Variants in PLEKHA6 observed in about 807,000 individuals in gnomAD.
PLEKHA6 encodes the protein pleckstrin homology domain containing A6.
PLEKHA6 carries 60 observed loss-of-function variants against 116.7 expected under a neutral mutation model. The ratio of observed to expected loss-of-function variants is 0.51; its 90% CI spans 0.42 to 0.64. The LOEUF is 0.64. PLEKHA6 is among the 30% of genes least tolerant of loss of function. The pLI, the probability that PLEKHA6 is intolerant of heterozygous loss-of-function variation, is 0.00. For synonymous variants in PLEKHA6, 489 were observed against 556.1 expected (o/e 0.88, Z 1.70); for missense variants, 1,338 against 1,422.7 (o/e 0.94, Z 0.96).
chr1:204,321,477 A>C (rs1672059949), intron 1 of PLEKHA6, among the ~76,000 whole-genome samples: 2 of 145,290 alleles, frequency 1.4e-5, no homozygotes, highest in South Asian at 2.2e-4. Flanking sequence ...CCAGCCTCTG[A>C]CTCTGCTGAT....
chr1:204,377,660 G>A (rs532451394), exon 1 of PLEKHA6: 1 of 152,412 alleles, frequency 6.6e-6, no homozygotes, highest in African/African-American at 2.4e-5. Context: ...CAATCTCATC[G>A]GCCATCTCGG....
chr1:204,246,197 C>T (rs10900565), intron 13 of PLEKHA6, among the ~76,000 whole-genome samples: 104,809 of 152,012 alleles, frequency 0.69, 36,401 homozygotes, highest in East Asian at 0.82. Flanking sequence ...GGTAAGACCT[C>T]CCATTTATTT....
chr1:204,230,687 G>A lies in PLEKHA6; in HGVS notation c.2410-101C>T, dbSNP rs1372352052. ...TTTACCTTCTACGGGAAGTCTGCCTGTAGTGGACTGAAGAGTGGTCCCCAA... is the reference window on the plus strand; with the variant it reads ...TTTACCTTCTACGGGAAGTCTGCCTATAGTGGACTGAAGAGTGGTCCCCAA... On this transcript the variant is annotated intron_variant, in intron 17 of 22. Transcript: ENST00000272203. 4.0e-6 allele frequency: 4 copies of A among 1,009,150 alleles called. No individual in the cohort carries two copies. The East Asian group carries it at 1.1e-4, about 28-fold the overall frequency. 62.5% of individuals were successfully genotyped at this position (1,009,150 alleles called of 1,614,324 possible). A position where few individuals can be genotyped will look rare whatever the true frequency, so the allele number is the denominator to read the frequency against.
intron 1 of PLEKHA6, among the ~76,000 whole-genome samples, chr1:204,295,276 G>GGT (rs1191450836): frequency 2.8e-4 from 42 of 152,260 alleles, no homozygotes; most frequent in African/African-American, 9.9e-4. Flanking sequence ...GATTTCCTGA[G>GGT]GTCTGGAGTT....
chr1:204,281,280 C>T (rs970618850), intron 1 of PLEKHA6, among the ~76,000 whole-genome samples: 4 of 152,126 alleles, frequency 2.6e-5, no homozygotes, highest in Admixed American at 2.6e-4. Context: ...CACCCCAGCA[C>T]TTTGGGAGGC....
At chr1:204,244,778 A>G in intron 15 of PLEKHA6, 86 bp downstream of exon 15, 1 of 1,053,460 alleles carries the variant, frequency 9.5e-7, no homozygotes, top group Non-Finnish European at 1.3e-6. Flanking sequence ...TGGGGAAGAG[A>G]TGGGCACAGA....
chr1:204,341,453 T>C (rs1400944993), intron 1 of PLEKHA6, among the ~76,000 whole-genome samples: 3 of 152,194 alleles, frequency 2.0e-5, no homozygotes, highest in African/African-American at 7.2e-5. Flanking sequence ...TCTGGTGCAG[T>C]AATACCTTGC....
chr1:204,297,042 C>T (rs1670352920), intron 1 of PLEKHA6: 6 of 893,570 alleles, frequency 6.7e-6, no homozygotes, highest in Non-Finnish European at 6.7e-6. Context: ...CGTACCCATC[C>T]CTGCAGATTT....
At chr1:204,362,381 C>T (rs1673578540), upstream of PLEKHA6, among the ~76,000 whole-genome samples, 1 of 152,128 alleles carries the variant, frequency 6.6e-6, no homozygotes, top group Non-Finnish European at 1.5e-5. Flanking sequence ...AATCACTGGT[C>T]CCCATTGCTC....
chr1:204,374,902 T>C (rs894684341), intron 1 of PLEKHA6, among the ~76,000 whole-genome samples: 6 of 152,172 alleles, frequency 3.9e-5, no homozygotes, highest in Non-Finnish European at 7.4e-5. Flanking sequence ...ACCACTTTCC[T>C]AGACGTCATT....
intron 1 of PLEKHA6, among the ~76,000 whole-genome samples, chr1:204,331,994 C>A (rs996917261): frequency 1.3e-5 from 2 of 152,112 alleles, no homozygotes; most frequent in African/African-American, 4.8e-5. Flanking sequence ...ACACCTCATG[C>A]CCAAACGCTT....
intron 1 of PLEKHA6, among the ~76,000 whole-genome samples, chr1:204,322,526 A>C (rs1279545282): frequency 6.6e-6 from 1 of 152,204 alleles, no homozygotes; most frequent in Non-Finnish European, 1.5e-5. Context: ...TGCCACCTTC[A>C]AAGTGCCATT....
intron 15 of PLEKHA6, among the ~76,000 whole-genome samples, chr1:204,243,762 C>T (rs1039284669): frequency 1.3e-5 from 2 of 152,064 alleles, no homozygotes; most frequent in Non-Finnish European, 2.9e-5. Flanking sequence ...ATGCTGGGCT[C>T]CCTGAGTGAA....
At chr1:204,342,490 G>A (rs1036574608) in intron 1 of PLEKHA6, among the ~76,000 whole-genome samples, 66 of 152,184 alleles carry the variant, frequency 4.3e-4, no homozygotes, top group African/African-American at 1.4e-3. Context: ...ACTCCACATT[G>A]AATGACTTAG....
Position 204,259,201 on chromosome 1 carries a change from C to A in PLEKHA6, c.1007+57G>T. On this transcript the variant is annotated intron_variant, in intron 8 of 22. Transcript: ENST00000272203. This position sits in a 1 kb window ranked among gnomAD's most constrained non-coding sequence, Gnocchi z 4.6. ...ATGCCTCGTGGGCTATGACCCCACTCGCACGCTCTAGCCATAATACCATAT... is the reference window on the plus strand; with the variant it reads ...ATGCCTCGTGGGCTATGACCCCACTAGCACGCTCTAGCCATAATACCATAT... The A allele has an allele frequency of 6.4e-7, 1 of 1,563,508 alleles. No individual in the cohort carries two copies. The highest frequency in any genetic ancestry group is 1.2e-5 in the South Asian group (1 of 83,976).
chr1:204,338,754 A>C (rs563756898), intron 1 of PLEKHA6, among the ~76,000 whole-genome samples: 2 of 152,228 alleles, frequency 1.3e-5, no homozygotes, highest in East Asian at 3.9e-4. Context: ...TGGTAAATGG[A>C]AGTAAGACAG....
chr1:204,330,709 G>A (rs1441857877), intron 1 of PLEKHA6, among the ~76,000 whole-genome samples: 1 of 152,150 alleles, frequency 6.6e-6, no homozygotes. Context: ...CTTTGACAGA[G>A]GTAGAGCCAG....
At chr1:204,260,721 T>C (rs1665995412) in intron 7 of PLEKHA6, among the ~76,000 whole-genome samples, 2 of 152,078 alleles carry the variant, frequency 1.3e-5, no homozygotes, top group Non-Finnish European at 2.9e-5. Flanking sequence ...AGACTCCACA[T>C]CCAGTTAAGG....
At chr1:204,292,188 A>G (rs1197967139) in intron 1 of PLEKHA6, among the ~76,000 whole-genome samples, 2 of 152,250 alleles carry the variant, frequency 1.3e-5, no homozygotes, top group African/African-American at 2.4e-5. Context: ...TTGTTCTATG[A>G]CAGAAGGGAA....
Sources: allele counts gnomAD v4.1 joint callset (sites outside exome capture counted in the v4.1 genomes callset), GRCh38; gene constraint gnomAD v4.1.1; non-coding constraint Gnocchi (gnomAD v3.1); transcripts MANE v1.5; gene names NCBI Gene and HGNC (gene_info 2026-07-23, HGNC 2026-07-21).